Variants in ASH1L observed in about 807,000 individuals in gnomAD.
ASH1L encodes histone-lysine N-methyltransferase ASH1L.
ASH1L carries 23 observed loss-of-function variants against 269.0 expected under a neutral mutation model. That is an observed-to-expected ratio of 0.09 (90% CI 0.06 to 0.12). The LOEUF (loss-of-function observed/expected upper bound fraction) is 0.12, where lower values mean the gene tolerates loss of function less well. Ranked by LOEUF, ASH1L falls within the 10% of genes least tolerant of loss-of-function variation. The pLI, the probability that ASH1L is intolerant of heterozygous loss-of-function variation, is 1.00. For missense variants in ASH1L, 2,912 were observed against 3,567.8 expected, an observed-to-expected ratio of 0.82 and a Z score of 4.68; for synonymous variants, 1,187 against 1,253.5, an observed-to-expected ratio of 0.95 and a Z score of 1.12.
At chr1:155,530,887 G>A (rs143632212) in intron 1 of ASH1L, among the ~76,000 whole-genome samples, 10 of 152,122 alleles carry the variant, frequency 6.6e-5, no homozygotes, top group South Asian at 2.1e-4. Flanking sequence ...ACTCTAGCCC[G>A]GGCAATCAAA....
Position 155,370,950 on chromosome 1 carries a change from G to C in ASH1L, c.6366C>G (p.Cys2122Trp), listed in dbSNP as rs1558039371. ...GGTTACAGCATTGCTCGCCACATGG[G>C]CAAGTGTTGGGGGAACACTCAGCAA... is the stretch of plus-strand genomic sequence containing the variant. ...MIFAECSPNT[C>W]PCGEQCCNQR... is the part of the protein sequence containing the mutation. The change falls in exon 11 of 28, where the codon TGC (cysteine) becomes TGG (tryptophan). Residue 2122 changes from cysteine to tryptophan, a missense_variant. Transcript: ENST00000392403. The C allele has an allele frequency of 6.2e-7, 1 of 1,614,090 alleles. No individual in the cohort carries two copies.
intron 1 of ASH1L, among the ~76,000 whole-genome samples, chr1:155,544,049 G>A (rs542654162): frequency 6.6e-6 from 1 of 151,964 alleles, no homozygotes; most frequent in Non-Finnish European, 1.5e-5. Flanking sequence ...GCAGTTGTTT[G>A]AACATGGCTT....
chr1:155,352,720 A>G lies in ASH1L; in HGVS notation c.7352T>C (p.Ile2451Thr). ...AQIFKEICDG[I>T]ISYKDSSRQA... ...GTTATAGTCACCTTTATAAGAGATG[A>G]TACCATCACAAATTTCTTTGAAGAT... The change falls in exon 17 of 28, where the codon ATC becomes ACC. Residue 2451 changes from isoleucine (I) to threonine (T), a missense_variant. Transcript: ENST00000392403. The G allele has an allele frequency of 1.2e-6, 2 of 1,608,818 alleles. No homozygotes were observed. Among genetic ancestry groups the G allele is most frequent in the Non-Finnish European group, 1.7e-6 (2 of 1,178,560 alleles).
At chr1:155,508,361 C>G (rs1248573771) in intron 2 of ASH1L, among the ~76,000 whole-genome samples, 1 of 152,094 alleles carries the variant, frequency 6.6e-6, no homozygotes, top group African/African-American at 2.4e-5. Flanking sequence ...ATAATGAGTC[C>G]AAGCATGGTG....
chr1:155,352,915 CT>C, intron 16 of ASH1L, 57 bp from the exon 17 acceptor site: 1 of 1,493,822 alleles, frequency 6.7e-7, no homozygotes, highest in African/African-American at 1.4e-5. Flanking sequence ...ACATGTCTTT[CT>C]CTTTCCCAAT....
Position 155,479,604 on chromosome 1 carries a change from A to G in ASH1L, c.3266T>C (p.Leu1089Pro). 1 of 1,614,248 alleles carries G rather than the reference A, an allele frequency of 6.2e-7. No homozygotes were observed. Among genetic ancestry groups the G allele is most frequent in the East Asian group, 2.2e-5 (1 of 44,884 alleles). Residue 1089 changes from leucine to proline, a missense_variant, in exon 3 of 28, where the codon CTT becomes CCT. Leu to Pro is a moderately conservative substitution (Grantham distance 98, BLOSUM62 -3). Around this residue, in one of 13 missense-constraint regions of ASH1L, gnomAD observed 157 missense variants for 154.6 expected, o/e 1.02. Transcript: ENST00000392403. ...AGCAGATGAAGGCAGTAATGGGGGA[A>G]GAATCTGTCCTAATGCTGACCCAGC... ...QAAGSALGQI[L>P]PPLLPSSASS...
At chr1:155,517,223 G>A (rs1668553963) in intron 2 of ASH1L, among the ~76,000 whole-genome samples, 1 of 152,134 alleles carries the variant, frequency 6.6e-6, no homozygotes, top group African/African-American at 2.4e-5. Flanking sequence ...GATGGCTCAT[G>A]CTTATAATCC....
Position 155,415,937 on chromosome 1 carries a change from T to A in ASH1L, c.5829-14A>T. 1 of 1,485,408 alleles carries A rather than the reference T, an allele frequency of 6.7e-7. No homozygotes were observed. Among genetic ancestry groups the A allele is most frequent in the African/African-American group, 1.4e-5 (1 of 69,558 alleles). 92.0% of individuals were successfully genotyped at this position (1,485,408 alleles called of 1,614,324 possible). A position where few individuals can be genotyped will look rare whatever the true frequency, so the allele number is the denominator to read the frequency against. On this transcript the variant is annotated splice_polypyrimidine_tract_variant and intron_variant, in intron 5 of 27. Transcript: ENST00000392403. Reference sequence around the variant, plus strand: ...GCTTCATTAAAGCTAGAAAGAGAAGTTTAAAGATAATTTTATTATGAAAAA... The same window carrying A: ...GCTTCATTAAAGCTAGAAAGAGAAGATTAAAGATAATTTTATTATGAAAAA...
chr1:155,359,459 T>A (rs567114841), intron 13 of ASH1L, among the ~76,000 whole-genome samples: 1 of 151,980 alleles, frequency 6.6e-6, no homozygotes, highest in Non-Finnish European at 1.5e-5. Flanking sequence ...GTATTTTTAG[T>A]AGAGAGAGGG....
chr1:155,414,003 A>G (rs1015626313), intron 6 of ASH1L, among the ~76,000 whole-genome samples: 1 of 152,208 alleles, frequency 6.6e-6, no homozygotes, highest in African/African-American at 2.4e-5. Context: ...TACCTCAGTG[A>G]CAAATCAATA....
chr1:155,503,349 T>C (rs1276502670), intron 2 of ASH1L, among the ~76,000 whole-genome samples: 1 of 152,234 alleles, frequency 6.6e-6, no homozygotes, highest in African/African-American at 2.4e-5. Context: ...TGCCTTTGTG[T>C]ACCTCCTAAA....
chr1:155,552,058 G>A (rs1671256470), intron 1 of ASH1L, among the ~76,000 whole-genome samples: 1 of 152,134 alleles, frequency 6.6e-6, no homozygotes, highest in Non-Finnish European at 1.5e-5. Context: ...GATCTATATC[G>A]AAAAAAGAAA....
At chr1:155,398,419 T>C (rs56770523) in intron 6 of ASH1L, among the ~76,000 whole-genome samples, 8,506 of 152,268 alleles carry the variant, frequency 0.056, 797 homozygotes, top group African/African-American at 0.2. Context: ...GTACTGAATA[T>C]TGCAGGCAGT....
chr1:155,550,360 C>T (rs1430811816), intron 1 of ASH1L, among the ~76,000 whole-genome samples: 1 of 152,122 alleles, frequency 6.6e-6, no homozygotes, highest in East Asian at 1.9e-4. Flanking sequence ...CATTATTCAT[C>T]TTTCAAAGTG....
intron 3 of ASH1L, among the ~76,000 whole-genome samples, chr1:155,462,460 T>TA (rs1664379316): frequency 6.6e-6 from 1 of 152,120 alleles, no homozygotes; most frequent in African/African-American, 2.4e-5. Context: ...CACCTCAGGG[T>TA]AAAAAGAGGG....
rs114932358 is a variant in ASH1L, at chr1:155,443,932, T to C, written c.5087-4864A>G. On this transcript the variant is annotated intron_variant, in intron 4 of 27. Transcript: ENST00000392403. ...GTGCACATGACATTTTGTTTAAACA[T>C]ATTTTCATTTCTCTTGGGTGAATAC... Among the ~76,000 whole-genome samples, 838 of 151,896 alleles carry C rather than the reference T, an allele frequency of 5.5e-3. 9 individuals carry two copies. The highest frequency in any genetic ancestry group is 0.02 in the African/African-American group (816 of 41,418).
At chr1:155,380,803 ATTT>A (rs34017490) in intron 7 of ASH1L, among the ~76,000 whole-genome samples, 1 of 126,334 alleles carries the variant, frequency 7.9e-6, no homozygotes, top group Non-Finnish European at 1.7e-5. Flanking sequence ...GCTAATTTGT[ATTT>A]TTTTTTTTTT....
At chr1:155,370,256 C>T (rs1015648412) in intron 12 of ASH1L, 4 of 510,286 alleles carry the variant, frequency 7.8e-6, no homozygotes, top group African/African-American at 5.8e-5. Context: ...AAACTACTTG[C>T]ATGCCAAACA....
At chr1:155,386,195 G>A (rs1657415247) in intron 7 of ASH1L, among the ~76,000 whole-genome samples, 2 of 151,618 alleles carry the variant, frequency 1.3e-5, no homozygotes, top group South Asian at 4.2e-4. Context: ...AGCCTCCCAA[G>A]TAGCTGGGAT....
Sources: allele counts gnomAD v4.1 joint callset (sites outside exome capture counted in the v4.1 genomes callset), GRCh38; gene constraint gnomAD v4.1.1; regional missense constraint gnomAD v4.1.1; transcripts MANE v1.5; gene names NCBI Gene and HGNC (gene_info 2026-07-23, HGNC 2026-07-21).